MAST4: variants seen among roughly 807,000 people sequenced by gnomAD.
MAST4 encodes microtubule associated serine/threonine kinase family member 4, also known as microtubule-associated serine/threonine-protein kinase 4.
In MAST4, 89 loss-of-function variants were observed where a neutral mutation model predicts 162.7. That is an observed-to-expected ratio of 0.55 (90% CI 0.46 to 0.65). The LOEUF is 0.65. Ranked by LOEUF, MAST4 falls within the 30% of genes least tolerant of loss-of-function variation. The probability of loss-of-function intolerance (pLI) is 0.00; values close to 1 mark genes in which losing one functional copy is unlikely to be tolerated. For synonymous variants in MAST4, 1,479 were observed against 1,361.1 expected (o/e 1.09, Z -1.91); for missense variants, 3,153 against 3,374.0 (o/e 0.93, Z 1.62).
At chr5:67,076,739 A>T (rs1761699039) in intron 5 of MAST4, among the ~76,000 whole-genome samples, 1 of 152,186 alleles carries the variant, frequency 6.6e-6, no homozygotes. Flanking sequence ...TTTTTTTGAA[A>T]GACATGAACT....
intron 4 of MAST4, among the ~76,000 whole-genome samples, chr5:66,930,059 A>G (rs1742014399): frequency 6.6e-6 from 1 of 152,226 alleles, no homozygotes; most frequent in Non-Finnish European, 1.5e-5. Flanking sequence ...AATAAAGGCC[A>G]ACCAAGTGGA....
chr5:67,151,059 G>A (rs541624227), intron 24 of MAST4, among the ~76,000 whole-genome samples: 7 of 152,222 alleles, frequency 4.6e-5, no homozygotes, highest in East Asian at 1.9e-4. Flanking sequence ...TGTTTAAACC[G>A]CAGCATGTTT....
chr5:67,153,588 A>G lies in MAST4; in HGVS notation c.3648+8A>G. The G allele has an allele frequency of 6.4e-7, 1 of 1,568,650 alleles. No individual in the cohort carries two copies. The highest frequency in any genetic ancestry group is 1.2e-5 in the South Asian group (1 of 83,958). On this transcript the variant is annotated splice_region_variant and intron_variant, in intron 26 of 28. Coordinates refer to ENST00000403625, the MANE Select transcript of MAST4 (RefSeq NM_001164664.2). ...ATAGAACTCCTACTGAAGGTATTGT[A>G]TGTTTTATGTCAGGGCCATGCTGAT... is the stretch of plus-strand genomic sequence containing the variant.
intron 8 of MAST4, among the ~76,000 whole-genome samples, chr5:67,101,667 CTT>C (rs1415815662): frequency 6.6e-6 from 1 of 152,052 alleles, no homozygotes; most frequent in Non-Finnish European, 1.5e-5. Flanking sequence ...TCCCTTTGTA[CTT>C]TTTGTCTTTA....
chr5:67,114,626 G>A (rs62369371), intron 12 of MAST4: 2,965 of 182,630 alleles, frequency 0.016, 45 homozygotes, highest in Non-Finnish European at 0.025. Flanking sequence ...ATTTAATTTG[G>A]AAGTAATGCA....
At chr5:67,028,770 C>T (rs1754968752) in intron 4 of MAST4, among the ~76,000 whole-genome samples, 2 of 152,014 alleles carry the variant, frequency 1.3e-5, no homozygotes, top group African/African-American at 4.8e-5. Flanking sequence ...TATAGACACA[C>T]CCAAGTGGAG....
At chr5:66,983,975 C>T (rs757796379) in intron 4 of MAST4, among the ~76,000 whole-genome samples, 2 of 152,216 alleles carry the variant, frequency 1.3e-5, no homozygotes, top group Non-Finnish European at 2.9e-5. Flanking sequence ...TTCATTCACA[C>T]AATCTTCATT....
intron 19 of MAST4, among the ~76,000 whole-genome samples, chr5:67,137,313 T>C (rs1769787498): frequency 6.6e-6 from 1 of 152,248 alleles, no homozygotes; most frequent in Non-Finnish European, 1.5e-5. Flanking sequence ...CCTTTTCTTC[T>C]CTGTATTCTG....
chr5:66,928,197 T>C (rs7728801), intron 4 of MAST4, among the ~76,000 whole-genome samples: 2,894 of 152,314 alleles, frequency 0.019, 86 homozygotes, highest in African/African-American at 0.066. Context: ...CCTTCTGTTC[T>C]CATCCCTACT....
At chr5:67,041,103 C>T (rs906682194) in intron 4 of MAST4, among the ~76,000 whole-genome samples, 3 of 152,194 alleles carry the variant, frequency 2.0e-5, no homozygotes, top group African/African-American at 7.2e-5. Flanking sequence ...GGGCAGACCT[C>T]TCCATGAAGC....
chr5:66,751,478 C>T (rs1044923296), intron 1 of MAST4, among the ~76,000 whole-genome samples: 13 of 152,008 alleles, frequency 8.6e-5, no homozygotes, highest in Admixed American at 5.9e-4. Flanking sequence ...AACCAAGGCT[C>T]GAGAACTATG....
At chr5:66,648,002 A>C (rs1257060628) in intron 1 of MAST4, among the ~76,000 whole-genome samples, 2 of 140,248 alleles carry the variant, frequency 1.4e-5, no homozygotes, top group Non-Finnish European at 3.1e-5. Flanking sequence ...ACTTCATCTG[A>C]GTGGTTAATG....
intron 3 of MAST4, among the ~76,000 whole-genome samples, chr5:66,899,631 T>A (rs376689779): frequency 6.6e-6 from 1 of 152,202 alleles, no homozygotes; most frequent in East Asian, 1.9e-4. Flanking sequence ...ATAAGTTCTT[T>A]GCTTCTTCAG....
At chr5:66,780,714 C>T (rs541521786) in intron 2 of MAST4, among the ~76,000 whole-genome samples, 30 of 152,116 alleles carry the variant, frequency 2.0e-4, no homozygotes, top group African/African-American at 6.3e-4. Flanking sequence ...TTACAGAGTG[C>T]TGATTTGTCC....
intron 4 of MAST4, among the ~76,000 whole-genome samples, chr5:66,968,323 G>T (rs1461611518): frequency 1.3e-5 from 2 of 152,146 alleles, no homozygotes; most frequent in African/African-American, 4.8e-5. Context: ...GAGTCTCAGA[G>T]TCATAAACAC....
At chr5:66,861,897 GT>G (rs1162307672) in intron 3 of MAST4, among the ~76,000 whole-genome samples, 1 of 152,214 alleles carries the variant, frequency 6.6e-6, no homozygotes, top group African/African-American at 2.4e-5. Context: ...GGTGTTCAGT[GT>G]TGTAATGATG....
At position 67,095,503 on chromosome 5, in the gene MAST4, T is replaced by A. The variant is rs1185481228; in HGVS notation, c.834-94T>A. 5 of 873,592 alleles carry A rather than the reference T, an allele frequency of 5.7e-6. No homozygotes were observed. In the Admixed American group the frequency reaches 1.2e-4, roughly 21 times the overall value. The allele number at this position is 873,592 out of a possible 1,614,324, so 54.1% of individuals were successfully genotyped here. On this transcript the variant is annotated intron_variant, in intron 6 of 28. Transcript: ENST00000403625. The stretch of plus-strand genomic sequence containing the variant: ...TCCACATCCTCACAGACTATGTTTG[T>A]GTCATTTGTTTGACTAAAAATACTT...
At chr5:66,739,836 C>G (rs1752381880) in intron 1 of MAST4, among the ~76,000 whole-genome samples, 1 of 146,448 alleles carries the variant, frequency 6.8e-6, no homozygotes, top group Non-Finnish European at 1.5e-5. Context: ...TGTTATTTTC[C>G]ATCACTCTTG....
chr5:66,999,815 C>G (rs1478999824), intron 4 of MAST4, among the ~76,000 whole-genome samples: 1 of 151,904 alleles, frequency 6.6e-6, no homozygotes, highest in Non-Finnish European at 1.5e-5. Flanking sequence ...TGGTATTTTC[C>G]AGGATGATAC....
Sources: allele counts gnomAD v4.1 joint callset (sites outside exome capture counted in the v4.1 genomes callset), GRCh38; gene constraint gnomAD v4.1.1; transcripts MANE v1.5; gene names NCBI Gene and HGNC (gene_info 2026-07-23, HGNC 2026-07-21).